Variants in ROBO2 observed in about 807,000 individuals in gnomAD.
The protein encoded by ROBO2 is roundabout guidance receptor 2.
A neutral mutation model predicts 160.8 loss-of-function variants in ROBO2; 53 were observed. That is an observed-to-expected ratio of 0.33 (90% CI 0.26 to 0.41). ROBO2 has a LOEUF of 0.41. Among genes scored for constraint, ROBO2 ranks in the 10% least tolerant of loss-of-function variants. The pLI is 1.00. For missense variants in ROBO2, 1,577 were observed against 1,722.4 expected, an observed-to-expected ratio of 0.92 and a Z score of 1.49; for synonymous variants, 664 against 611.7, an observed-to-expected ratio of 1.09 and a Z score of -1.26.
At chr3:77,139,183 A>AG (rs1409633130) in intron 2 of ROBO2, among the ~76,000 whole-genome samples, 1 of 152,164 alleles carries the variant, frequency 6.6e-6, no homozygotes, top group Non-Finnish European at 1.5e-5. Context: ...ATTATGCTTA[A>AG]GACTGTGGAG....
At chr3:77,427,417 G>C (rs970828569) in intron 2 of ROBO2, among the ~76,000 whole-genome samples, 2 of 152,150 alleles carry the variant, frequency 1.3e-5, no homozygotes, top group Non-Finnish European at 2.9e-5. Context: ...TGAAGAAATT[G>C]AAGTGAGCTT....
At chr3:76,248,664 A>G (rs1705787712) in intron 2 of ROBO2, among the ~76,000 whole-genome samples, 1 of 121,468 alleles carries the variant, frequency 8.2e-6, no homozygotes, top group South Asian at 2.6e-4. Flanking sequence ...AAAACTTAAA[A>G]AAAAAAAAAG....
chr3:77,321,527 A>AG (rs1308195329), intron 2 of ROBO2, among the ~76,000 whole-genome samples: 8 of 152,272 alleles, frequency 5.3e-5, no homozygotes, highest in African/African-American at 1.9e-4. Context: ...TCTCAAAAGA[A>AG]GAAAAAAAGA....
intron 2 of ROBO2, among the ~76,000 whole-genome samples, chr3:76,426,985 G>T (rs1265293877): frequency 6.6e-6 from 1 of 152,092 alleles, no homozygotes; most frequent in Non-Finnish European, 1.5e-5. Flanking sequence ...GTACCTAATT[G>T]CTTATTTAGC....
chr3:76,128,357 T>C (rs115722002), intron 2 of ROBO2, among the ~76,000 whole-genome samples: 186 of 152,208 alleles, frequency 1.2e-3, no homozygotes, highest in African/African-American at 4.3e-3. Context: ...GGGTATGAAG[T>C]GAATGATCTT....
At chr3:76,913,681 A>G (rs2076129200) in intron 2 of ROBO2, among the ~76,000 whole-genome samples, 1 of 152,324 alleles carries the variant, frequency 6.6e-6, no homozygotes, top group South Asian at 2.1e-4. Flanking sequence ...GGCAATTACT[A>G]CAATTCAGCC....
intron 2 of ROBO2, among the ~76,000 whole-genome samples, chr3:76,676,700 G>T (rs1448516146): frequency 6.6e-6 from 1 of 152,096 alleles, no homozygotes; most frequent in Non-Finnish European, 1.5e-5. Context: ...TGCTAGGCAT[G>T]TATATTTCTC....
At chr3:76,284,015 G>T (rs1708380859) in intron 2 of ROBO2, among the ~76,000 whole-genome samples, 1 of 151,840 alleles carries the variant, frequency 6.6e-6, no homozygotes, top group Non-Finnish European at 1.5e-5. Flanking sequence ...AAAAAGCCTA[G>T]AACCAAATAA....
At chr3:76,822,493 T>C (rs562336738) in intron 2 of ROBO2, among the ~76,000 whole-genome samples, 1 of 152,140 alleles carries the variant, frequency 6.6e-6, no homozygotes, top group Admixed American at 6.6e-5. Flanking sequence ...ACAATAATCA[T>C]ATTAATAATA....
At chr3:76,283,369 C>A (rs953799698) in intron 2 of ROBO2, among the ~76,000 whole-genome samples, 2 of 151,388 alleles carry the variant, frequency 1.3e-5, no homozygotes, top group Non-Finnish European at 2.9e-5. Context: ...GCAATAGGAA[C>A]CACCTTTTCC....
intron 2 of ROBO2, among the ~76,000 whole-genome samples, chr3:77,264,604 T>G (rs1325178586): frequency 2.6e-5 from 4 of 152,168 alleles, no homozygotes; most frequent in Non-Finnish European, 5.9e-5. Context: ...GTTTGTCAAC[T>G]GGATCCTTCT....
chr3:76,417,317 A>C (rs188509991), intron 2 of ROBO2, among the ~76,000 whole-genome samples: 2 of 152,338 alleles, frequency 1.3e-5, no homozygotes, highest in Admixed American at 1.3e-4. Flanking sequence ...GGCACAGAAC[A>C]AGATTCAGTG....
intron 2 of ROBO2, among the ~76,000 whole-genome samples, chr3:76,149,393 TAAACC>T (rs2072054247): frequency 6.6e-6 from 1 of 152,140 alleles, no homozygotes; most frequent in Non-Finnish European, 1.5e-5. Flanking sequence ...CCCTTTGATC[TAAACC>T]AGGTTACCCA....
chr3:77,111,360 G>T (rs9844120), intron 2 of ROBO2, among the ~76,000 whole-genome samples: 80,506 of 151,796 alleles, frequency 0.53, 22,019 homozygotes, highest in African/African-American at 0.66. Flanking sequence ...TCTATACTTA[G>T]TACAAAATAA....
At chr3:77,053,038 A>C in intron 1 of ROBO2, among the ~76,000 whole-genome samples, 1 of 152,328 alleles carries the variant, frequency 6.6e-6, no homozygotes, top group South Asian at 2.1e-4. Flanking sequence ...AAAAAGTGGT[A>C]TTATTATAAT....
intron 2 of ROBO2, among the ~76,000 whole-genome samples, chr3:77,437,056 G>A (rs1435598351): frequency 2.6e-5 from 4 of 151,902 alleles, no homozygotes; most frequent in Non-Finnish European, 5.9e-5. Context: ...TGGAATTCAT[G>A]CAAGAAAATG....
chr3:77,257,674 T>C (rs1053490896), intron 2 of ROBO2, among the ~76,000 whole-genome samples: 4 of 152,224 alleles, frequency 2.6e-5, no homozygotes, highest in Admixed American at 1.3e-4. Flanking sequence ...TTCAGCAACA[T>C]TAGCTTAGCA....
intron 2 of ROBO2, among the ~76,000 whole-genome samples, chr3:76,657,300 C>G (rs967252744): frequency 6.6e-6 from 1 of 151,910 alleles, no homozygotes; most frequent in Non-Finnish European, 1.5e-5. Flanking sequence ...TGGCGGGCGC[C>G]TGTAGTCCCA....
intron 2 of ROBO2, among the ~76,000 whole-genome samples, chr3:76,477,740 G>A (rs945307593): frequency 9.2e-5 from 14 of 151,360 alleles, no homozygotes; most frequent in East Asian, 1.9e-4. Context: ...TTCCTTCCTC[G>A]TCATTGCTTA....
Sources: gnomAD v4.1 joint callset for allele counts (sites outside exome capture counted in the v4.1 genomes callset) on GRCh38, gnomAD v4.1.1 for gene constraint, MANE v1.5 for transcripts, NCBI Gene and HGNC (gene_info 2026-07-23, HGNC 2026-07-21) for gene names.